NELL2: variants seen among roughly 807,000 people sequenced by gnomAD.
The protein encoded by NELL2 is neural EGFL like 2, also known as protein kinase C-binding protein NELL2.
Under a neutral mutation model 109.6 loss-of-function variants are expected in NELL2, and 41 were observed. That is an observed-to-expected ratio of 0.37 (90% CI 0.29 to 0.49). NELL2 has a LOEUF of 0.49. Among genes scored for constraint, NELL2 ranks in the 20% least tolerant of loss-of-function variants. The pLI is 0.98. For synonymous variants in NELL2, 355 were observed against 344.7 expected (o/e 1.03, Z -0.33); for missense variants, 900 against 1,008.3 (o/e 0.89, Z 1.45).
chr12:44,871,842 A>T (rs373327966), intron 2 of NELL2, among the ~76,000 whole-genome samples: 1 of 152,178 alleles, frequency 6.6e-6, no homozygotes, highest in African/African-American at 2.4e-5. Flanking sequence ...TCAACTTAAC[A>T]ACTTGTAAAA....
chr12:44,663,533 G>A (rs1450539), intron 13 of NELL2, among the ~76,000 whole-genome samples: 4,251 of 152,220 alleles, frequency 0.028, 170 homozygotes, highest in African/African-American at 0.092. Context: ...TCTGAATAGC[G>A]TTTCTTAAAA....
At chr12:44,920,197 C>T (rs268036) in intron 1 of NELL2, among the ~76,000 whole-genome samples, 4,441 of 151,896 alleles carry the variant, frequency 0.029, 223 homozygotes, top group African/African-American at 0.1. Context: ...TAAACGGGGT[C>T]AAGAAATGAG....
chr12:44,562,867 C>T (rs1363620718), intron 15 of NELL2, among the ~76,000 whole-genome samples: 2 of 152,134 alleles, frequency 1.3e-5, no homozygotes, highest in Non-Finnish European at 2.9e-5. Flanking sequence ...CACATGCACA[C>T]GTATGTTTAT....
chr12:44,563,450 T>C (rs769534073), intron 15 of NELL2, among the ~76,000 whole-genome samples: 1 of 152,176 alleles, frequency 6.6e-6, no homozygotes, highest in Non-Finnish European at 1.5e-5. Flanking sequence ...AAAAGTGATA[T>C]ATTATTTAAA....
intron 13 of NELL2, among the ~76,000 whole-genome samples, chr12:44,626,635 G>A (rs574354622): frequency 3.3e-5 from 5 of 152,142 alleles, no homozygotes; most frequent in Non-Finnish European, 7.4e-5. Flanking sequence ...GAGAGAATTT[G>A]TTTACAGTAG....
At chr12:44,652,075 A>T (rs1947319432) in intron 13 of NELL2, among the ~76,000 whole-genome samples, 1 of 152,204 alleles carries the variant, frequency 6.6e-6, no homozygotes. Context: ...TTGAGAGCTA[A>T]TTGTGGCCCA....
intron 13 of NELL2, among the ~76,000 whole-genome samples, chr12:44,641,646 G>T (rs1946859338): frequency 1.4e-5 from 2 of 147,726 alleles, no homozygotes; most frequent in South Asian, 2.2e-4. Context: ...TCATAGTCCT[G>T]AGTTTTGGTA....
chr12:44,539,861 C>T (rs778211102), intron 15 of NELL2, among the ~76,000 whole-genome samples: 8 of 152,048 alleles, frequency 5.3e-5, no homozygotes, highest in Admixed American at 1.3e-4. Context: ...AATGAATAGA[C>T]GAATGAATAG....
intron 1 of NELL2, among the ~76,000 whole-genome samples, chr12:44,895,957 C>T (rs867979029): frequency 2.6e-5 from 4 of 152,198 alleles, no homozygotes; most frequent in East Asian, 3.9e-4. Flanking sequence ...ACATATTTTG[C>T]TATGCTCGGT....
intron 15 of NELL2, among the ~76,000 whole-genome samples, chr12:44,559,273 A>T (rs961692150): frequency 6.6e-6 from 1 of 152,222 alleles, no homozygotes; most frequent in Non-Finnish European, 1.5e-5. Context: ...GCATCAACTA[A>T]TGGGCAAAAT....
intron 9 of NELL2, among the ~76,000 whole-genome samples, chr12:44,753,643 C>T (rs1363796725): frequency 6.6e-6 from 1 of 152,066 alleles, no homozygotes; most frequent in Admixed American, 6.5e-5. Flanking sequence ...AATAATAATC[C>T]TCACCTCATA....
intron 15 of NELL2, among the ~76,000 whole-genome samples, chr12:44,551,899 C>G (rs961501924): frequency 1.3e-5 from 2 of 152,078 alleles, no homozygotes; most frequent in Admixed American, 6.6e-5. Flanking sequence ...TGTAGCATTG[C>G]CTACTAGAAT....
At chr12:44,554,078 C>T (rs1454715074) in intron 15 of NELL2, among the ~76,000 whole-genome samples, 1 of 152,148 alleles carries the variant, frequency 6.6e-6, no homozygotes, top group Non-Finnish European at 1.5e-5. Flanking sequence ...GCAGTTGCTA[C>T]CGGCATATTA....
chr12:44,683,047 G>A (rs564797212), intron 12 of NELL2, among the ~76,000 whole-genome samples: 20 of 152,194 alleles, frequency 1.3e-4, no homozygotes, highest in East Asian at 7.7e-4. Flanking sequence ...CTTCCTACCC[G>A]TGAGGATGGA....
At chr12:44,724,113 C>T (rs1451805783) in intron 9 of NELL2, among the ~76,000 whole-genome samples, 3 of 151,694 alleles carry the variant, frequency 2.0e-5, no homozygotes, top group Non-Finnish European at 4.4e-5. Flanking sequence ...CAGCTAGAGG[C>T]CATCATCCTA....
chr12:44,650,601 CCT>C (rs1177511455), intron 13 of NELL2, among the ~76,000 whole-genome samples: 2 of 152,038 alleles, frequency 1.3e-5, no homozygotes, highest in African/African-American at 4.8e-5. Context: ...GGCCCCACCC[CCT>C]CTCTATATGT....
At chr12:44,524,482 G>A (rs910260085) in intron 16 of NELL2, among the ~76,000 whole-genome samples, 1 of 152,148 alleles carries the variant, frequency 6.6e-6, no homozygotes, top group Non-Finnish European at 1.5e-5. Flanking sequence ...GGAGTGTATA[G>A]CTTTTAACTA....
chr12:44,898,425 G>A (rs1291099822), intron 1 of NELL2, among the ~76,000 whole-genome samples: 1 of 152,192 alleles, frequency 6.6e-6, no homozygotes, highest in Non-Finnish European at 1.5e-5. Flanking sequence ...AGCAAACTCT[G>A]CTGTTCTGCA....
intron 9 of NELL2, among the ~76,000 whole-genome samples, chr12:44,733,978 C>A (rs1939507058): frequency 6.6e-6 from 1 of 151,934 alleles, no homozygotes. Context: ...CTTATGTAAG[C>A]TGCACAGTAG....
Sources: gnomAD v4.1 joint callset for allele counts (sites outside exome capture counted in the v4.1 genomes callset) on GRCh38, gnomAD v4.1.1 for gene constraint, MANE v1.5 for transcripts, NCBI Gene and HGNC (gene_info 2026-07-23, HGNC 2026-07-21) for gene names.